The following LRRC4C variants were observed in gnomAD, a reference collection of about 807,000 sequenced individuals.
The protein encoded by LRRC4C is leucine-rich repeat-containing protein 4C.
A neutral mutation model predicts 33.6 loss-of-function variants in LRRC4C; 5 were observed. The observed-to-expected ratio is 0.15, with a 90% CI of 0.08 to 0.31. The LOEUF (loss-of-function observed/expected upper bound fraction) is 0.31, where lower values mean the gene tolerates loss of function less well. Among genes scored for constraint, LRRC4C ranks in the 10% least tolerant of loss-of-function variants. The pLI is 1.00. For synonymous variants in LRRC4C, 329 were observed against 302.0 expected, an observed-to-expected ratio of 1.09 and a Z score of -0.93; for missense variants, 560 against 796.7, an observed-to-expected ratio of 0.70 and a Z score of 3.58.
At chr11:41,088,416 G>A (rs1940162016) in intron 1 of LRRC4C, among the ~76,000 whole-genome samples, 1 of 151,858 alleles carries the variant, frequency 6.6e-6, no homozygotes, top group Admixed American at 6.6e-5. Flanking sequence ...TATCAGTAAA[G>A]AATTATAGTT....
chr11:40,923,295 A>G (rs183763239), intron 2 of LRRC4C, among the ~76,000 whole-genome samples: 3 of 152,330 alleles, frequency 2.0e-5, no homozygotes, highest in East Asian at 1.9e-4. Flanking sequence ...TCTCAACAAT[A>G]AATTATTGGA....
Position 40,472,742 on chromosome 11 carries a change from C to T in LRRC4C, c.-269-153021G>A, listed in dbSNP as rs553857894. ...CATAAAGAAGAAAAGATAGTATAAT[C>T]AAATAGACACAATAAAAATGATAAA... is the stretch of plus-strand genomic sequence containing the variant. On this transcript the variant is annotated intron_variant, in intron 3 of 6. Transcript: ENST00000528697. Among the ~76,000 whole-genome samples the T allele has an allele frequency of 2.0e-5, 3 of 151,850 alleles. No individual in the cohort carries two copies. In the East Asian group the frequency reaches 5.8e-4, roughly 30 times the overall value.
At chr11:40,703,244 G>T (rs1945968044) in intron 2 of LRRC4C, among the ~76,000 whole-genome samples, 1 of 151,802 alleles carries the variant, frequency 6.6e-6, no homozygotes, top group African/African-American at 2.4e-5. Context: ...TGATGATCAG[G>T]TCCAAAATGT....
At chr11:40,402,473 G>A (rs1048524404) in intron 3 of LRRC4C, among the ~76,000 whole-genome samples, 1 of 152,094 alleles carries the variant, frequency 6.6e-6, no homozygotes, top group African/African-American at 2.4e-5. Flanking sequence ...AAAATGGAAT[G>A]AGATTTCATA....
At chr11:41,373,478 A>G (rs751338521) in intron 1 of LRRC4C, among the ~76,000 whole-genome samples, 1 of 152,162 alleles carries the variant, frequency 6.6e-6, no homozygotes, top group Non-Finnish European at 1.5e-5. Flanking sequence ...TTGGGTCTGG[A>G]TCAAGGATAT....
chr11:41,395,417 C>A (rs1402554729), intron 1 of LRRC4C, among the ~76,000 whole-genome samples: 1 of 151,888 alleles, frequency 6.6e-6, no homozygotes, highest in Non-Finnish European at 1.5e-5. Context: ...AACATGCCAG[C>A]CAGCTATTAA....
chr11:40,219,458 C>T lies in LRRC4C; in HGVS notation c.-96+22061G>A, dbSNP rs140987137. On this transcript the variant is annotated intron_variant, in intron 5 of 6. Transcript: ENST00000528697. ...TTGTTGATTTTGTTTGCTGCTTTAT[C>T]CCGAGTACTTAGAACAATCCTTGGC... 3.5e-4 allele frequency among the ~76,000 whole-genome samples: 53 copies of T among 152,248 alleles called. 1 individual carries two copies. In the East Asian group the frequency reaches 0.01, roughly 29 times the overall value.
intron 1 of LRRC4C, among the ~76,000 whole-genome samples, chr11:41,389,527 G>C (rs1284142648): frequency 6.7e-6 from 1 of 149,316 alleles, no homozygotes; most frequent in African/African-American, 2.5e-5. Flanking sequence ...GGAAAGCAAG[G>C]GTTAAAGAAC....
At chr11:40,507,575 CA>C (rs1285923562) in intron 3 of LRRC4C, among the ~76,000 whole-genome samples, 7 of 151,896 alleles carry the variant, frequency 4.6e-5, no homozygotes, top group African/African-American at 1.7e-4. Flanking sequence ...CTAGCATTAC[CA>C]TATGTGTGAA....
At chr11:40,584,156 T>TAC (rs376216079) in intron 3 of LRRC4C, among the ~76,000 whole-genome samples, 3 of 97,136 alleles carry the variant, frequency 3.1e-5, no homozygotes, top group East Asian at 4.2e-4. Flanking sequence ...TCCTTAAGTA[T>TAC]ACACACACAC....
intron 2 of LRRC4C, among the ~76,000 whole-genome samples, chr11:40,742,192 G>A (rs1197475665): frequency 6.6e-6 from 1 of 151,802 alleles, no homozygotes; most frequent in Non-Finnish European, 1.5e-5. Context: ...ATACTGAATG[G>A]TTTTCAAAGA....
At chr11:40,250,744 TATAATA>T in intron 4 of LRRC4C, among the ~76,000 whole-genome samples, 1 of 151,810 alleles carries the variant, frequency 6.6e-6, no homozygotes. Flanking sequence ...GTCTCAAAAT[TATAATA>T]ATAATAATAA....
intron 1 of LRRC4C, among the ~76,000 whole-genome samples, chr11:41,103,498 C>T (rs1458196522): frequency 6.6e-6 from 1 of 150,420 alleles, no homozygotes; most frequent in Non-Finnish European, 1.5e-5. Flanking sequence ...ATTACATCTT[C>T]AACAAACATA....
chr11:40,262,580 C>T (rs1263899510), intron 4 of LRRC4C, among the ~76,000 whole-genome samples: 1 of 152,110 alleles, frequency 6.6e-6, no homozygotes, highest in African/African-American at 2.4e-5. Flanking sequence ...TTGGAACCAA[C>T]CAAAATGCCC....
intron 3 of LRRC4C, among the ~76,000 whole-genome samples, chr11:40,517,669 T>A (rs1955618343): frequency 6.6e-6 from 1 of 151,906 alleles, no homozygotes; most frequent in African/African-American, 2.4e-5. Context: ...AAAATGGCCA[T>A]ACTGCCCAAA....
At chr11:40,340,449 A>G (rs1480208634) in intron 3 of LRRC4C, among the ~76,000 whole-genome samples, 2 of 152,188 alleles carry the variant, frequency 1.3e-5, no homozygotes. Flanking sequence ...TCTTCTCTAA[A>G]TACATTGGGA....
chr11:40,886,984 G>T (rs1042778261), intron 2 of LRRC4C, among the ~76,000 whole-genome samples: 2 of 142,224 alleles, frequency 1.4e-5, no homozygotes, highest in Admixed American at 7.0e-5. Flanking sequence ...ATATATATAC[G>T]TGTATATATC....
At chr11:40,133,724 T>C (rs1856798521) in intron 6 of LRRC4C, among the ~76,000 whole-genome samples, 2 of 152,022 alleles carry the variant, frequency 1.3e-5, no homozygotes, top group South Asian at 4.2e-4. Flanking sequence ...TCCTTGTAAG[T>C]AGTCTGGGTG....
At chr11:40,912,810 T>C (rs1336645659) in intron 2 of LRRC4C, among the ~76,000 whole-genome samples, 1 of 152,038 alleles carries the variant, frequency 6.6e-6, no homozygotes, top group Non-Finnish European at 1.5e-5. Context: ...CCATCTCACA[T>C]GCAGAGACAC....
Sources: gnomAD v4.1 joint callset for allele counts (sites outside exome capture counted in the v4.1 genomes callset) on GRCh38, gnomAD v4.1.1 for gene constraint, MANE v1.5 for transcripts, NCBI Gene and HGNC (gene_info 2026-07-23, HGNC 2026-07-21) for gene names.